The following SLC27A6 variants were observed in gnomAD, a reference collection of about 807,000 sequenced individuals.
The protein encoded by SLC27A6 is long-chain fatty acid transport protein 6.
A neutral mutation model predicts 63.9 loss-of-function variants in SLC27A6; 74 were observed. The observed-to-expected ratio is 1.16, with a 90% CI of 0.96 to 1.40. SLC27A6 has a LOEUF of 1.40. Ranked by LOEUF, SLC27A6 falls within the 40% of genes most tolerant of loss-of-function variation. The pLI, the probability that SLC27A6 is intolerant of heterozygous loss-of-function variation, is 0.00. For missense variants in SLC27A6, 794 were observed against 732.9 expected, an observed-to-expected ratio of 1.08 and a Z score of -0.96; for synonymous variants, 287 against 260.8, an observed-to-expected ratio of 1.10 and a Z score of -0.97.
intron 5 of SLC27A6, among the ~76,000 whole-genome samples, chr5:129,019,171 A>G (rs2150151550): frequency 6.6e-6 from 1 of 152,228 alleles, no homozygotes; most frequent in South Asian, 2.1e-4. Flanking sequence ...TTTAATGCAT[A>G]AAACTGAAGA....
At chr5:128,976,942 A>G (rs1418843292) in intron 1 of SLC27A6, among the ~76,000 whole-genome samples, 1 of 152,206 alleles carries the variant, frequency 6.6e-6, no homozygotes, top group Non-Finnish European at 1.5e-5. Context: ...AATATATACC[A>G]TATGCAAGTA....
chr5:128,995,069 C>A (rs1440324027), intron 4 of SLC27A6, among the ~76,000 whole-genome samples: 3 of 152,206 alleles, frequency 2.0e-5, no homozygotes, highest in Non-Finnish European at 4.4e-5. Flanking sequence ...CACTTTTAAT[C>A]TTCCAAGTTT....
At chr5:129,010,418 A>G (rs1460376533) in intron 4 of SLC27A6, among the ~76,000 whole-genome samples, 1 of 152,238 alleles carries the variant, frequency 6.6e-6, no homozygotes, top group African/African-American at 2.4e-5. Context: ...ATGTGATTAC[A>G]GTTACAGAGC....
At chr5:128,991,119 T>C (rs1750966445) in intron 4 of SLC27A6, among the ~76,000 whole-genome samples, 1 of 152,228 alleles carries the variant, frequency 6.6e-6, no homozygotes, top group Admixed American at 6.5e-5. Context: ...TATATCTGGA[T>C]CTTTGTCCCT....
At chr5:128,989,578 T>C (rs1222639456) in intron 3 of SLC27A6, among the ~76,000 whole-genome samples, 1 of 152,184 alleles carries the variant, frequency 6.6e-6, no homozygotes, top group African/African-American at 2.4e-5. Flanking sequence ...ATTTAAGAAC[T>C]TTTTTGTTAG....
intron 1 of SLC27A6, among the ~76,000 whole-genome samples, chr5:128,969,214 C>T (rs778134280): frequency 3.6e-4 from 55 of 152,248 alleles, no homozygotes; most frequent in African/African-American, 1.1e-3. Context: ...TCCAGCTTTG[C>T]TCTTTTTGCT....
At chr5:128,992,294 A>G (rs896937162) in intron 4 of SLC27A6, among the ~76,000 whole-genome samples, 5 of 151,966 alleles carry the variant, frequency 3.3e-5, no homozygotes, top group African/African-American at 1.2e-4. Context: ...TGCCATCATC[A>G]CATCTGCTTA....
At chr5:128,999,142 A>G (rs527483416) in intron 4 of SLC27A6, among the ~76,000 whole-genome samples, 1 of 152,244 alleles carries the variant, frequency 6.6e-6, no homozygotes, top group East Asian at 1.9e-4. Flanking sequence ...AGGTGATAGG[A>G]TGATTAATGA....
At chr5:129,016,395 CAAAAAAA>C (rs759333355) in intron 5 of SLC27A6, among the ~76,000 whole-genome samples, 5 of 64,722 alleles carry the variant, frequency 7.7e-5, no homozygotes, top group East Asian at 4.5e-4. Flanking sequence ...GACTCTGTCT[CAAAAAAA>C]AAAAAAAAAA....
At chr5:128,989,383 C>T (rs1750897375) in intron 3 of SLC27A6, among the ~76,000 whole-genome samples, 1 of 152,138 alleles carries the variant, frequency 6.6e-6, no homozygotes, top group Admixed American at 6.5e-5. Context: ...GTGTCAGTTT[C>T]TAGACCTCAC....
At chr5:128,968,601 A>T (rs986850465) in intron 1 of SLC27A6, among the ~76,000 whole-genome samples, 4 of 151,796 alleles carry the variant, frequency 2.6e-5, no homozygotes, top group African/African-American at 7.3e-5. Context: ...CCACTTTTTG[A>T]TGGGGTTGTT....
intron 4 of SLC27A6, among the ~76,000 whole-genome samples, chr5:129,008,885 T>G (rs1329334074): frequency 1.4e-5 from 2 of 147,634 alleles, no homozygotes; most frequent in Non-Finnish European, 3.0e-5. Flanking sequence ...TTTTTTTTTT[T>G]TGAGATAGAG....
At chr5:129,003,709 T>C (rs1393448693) in intron 4 of SLC27A6, among the ~76,000 whole-genome samples, 1 of 151,860 alleles carries the variant, frequency 6.6e-6, no homozygotes, top group Non-Finnish European at 1.5e-5. Flanking sequence ...GTGACACATG[T>C]CTGTAGTCCC....
At chr5:129,017,875 T>A (rs911042612) in intron 5 of SLC27A6, among the ~76,000 whole-genome samples, 1 of 152,106 alleles carries the variant, frequency 6.6e-6, no homozygotes, top group Admixed American at 6.5e-5. Context: ...GCTTTCCCAC[T>A]CAGGATAATG....
chr5:129,026,181 T>G (rs1233835088), intron 6 of SLC27A6, among the ~76,000 whole-genome samples: 2 of 152,136 alleles, frequency 1.3e-5, no homozygotes, highest in Non-Finnish European at 2.9e-5. Context: ...CATAGTTTGC[T>G]GGACTCCAAC....
rs1167987861 is a variant in SLC27A6 at position 129,015,944 on chromosome 5, T to C, written c.1029T>C (p.Asp343=). 15 of 1,608,268 alleles carry C rather than the reference T, an allele frequency of 9.3e-6. No homozygotes were observed. Among genetic ancestry groups the C allele is most frequent in the African/African-American group, 4.0e-5 (3 of 74,500 alleles). Residue 343 remains aspartate (D), a synonymous_variant, in exon 5 of 10, where the codon GAT becomes GAC. Coordinates refer to ENST00000262462, the MANE Select transcript of SLC27A6 (RefSeq NM_001017372.3). ...RLAIGNGIRS[D]VWREFLDRFG... ...CAATTGGAAATGGCATACGGAGTGA[T>C]GTATGGAGAGAATTTTTAGACAGAT...
rs4068575 is a variant in SLC27A6, at chr5:129,006,071, G to GTTTTTT, written c.970-9794_970-9789dup. ...TAAAATTTTCATTCCTGTGCACACTGTTTTTTTTTTTTTTTTTTTTTTTTT... is the reference window on the plus strand; with the variant it reads ...TAAAATTTTCATTCCTGTGCACACTGTTTTTTTTTTTTTTTTTTTTTTTTTTTTTTT... On this transcript the variant is annotated intron_variant, in intron 4 of 9. Transcript: ENST00000262462. Among the ~76,000 whole-genome samples the GTTTTTT allele has an allele frequency of 5.0e-4, 30 of 60,140 alleles. 3 individuals carry two copies. Among genetic ancestry groups the GTTTTTT allele is most frequent in the East Asian group, 3.3e-3 (2 of 614 alleles). 39.5% of individuals were successfully genotyped at this position (60,140 alleles called of 152,430 possible).
intron 2 of SLC27A6, 49 bp from the exon 3 acceptor site, chr5:128,988,551 A>G: frequency 6.9e-7 from 1 of 1,452,974 alleles, no homozygotes; most frequent in Non-Finnish European, 9.6e-7. Flanking sequence ...GCATATGTAT[A>G]TGTATGTATG....
chr5:129,015,829 TAAAG>T lies in SLC27A6; in HGVS notation c.970-49_970-46del, dbSNP rs914580198. ...ATGATATTTTTCATTTAAATAATAA[TAAAG>T]AAAGAATTAGAAACTGGAACTAATT... is the stretch of plus-strand genomic sequence containing the variant. On this transcript the variant is annotated intron_variant, in intron 4 of 9. Transcript: ENST00000262462. 1.0e-4 allele frequency: 124 copies of T among 1,224,354 alleles called. 1 individual carries two copies. Among genetic ancestry groups the T allele is most frequent in the Non-Finnish European group, 1.2e-4 (105 of 865,746 alleles). 75.8% of individuals were successfully genotyped at this position (1,224,354 alleles called of 1,614,324 possible).
Sources: allele counts gnomAD v4.1 joint callset (sites outside exome capture counted in the v4.1 genomes callset), GRCh38; gene constraint gnomAD v4.1.1; transcripts MANE v1.5; gene names NCBI Gene and HGNC (gene_info 2026-07-23, HGNC 2026-07-21).